LDLRAD4: variants seen among roughly 807,000 people sequenced by gnomAD.
The protein encoded by LDLRAD4 is low density lipoprotein receptor class A domain containing 4.
In LDLRAD4, 5 loss-of-function variants were observed where a neutral mutation model predicts 17.0. That is an observed-to-expected ratio of 0.29 (90% CI 0.15 to 0.62). LDLRAD4 has a LOEUF of 0.62. LDLRAD4 is among the 20% of genes least tolerant of loss of function. The pLI, the probability that LDLRAD4 is intolerant of heterozygous loss-of-function variation, is 0.84. For missense variants in LDLRAD4, 340 were observed against 424.7 expected, an observed-to-expected ratio of 0.80 and a Z score of 1.75; for synonymous variants, 168 against 171.8, an observed-to-expected ratio of 0.98 and a Z score of 0.17.
At chr18:13,455,996 T>C (rs1600450362) in intron 3 of LDLRAD4, among the ~76,000 whole-genome samples, 1 of 152,146 alleles carries the variant, frequency 6.6e-6, no homozygotes, top group East Asian at 1.9e-4. Flanking sequence ...GCGCCCGCCA[T>C]GTCCCGCGCT....
At chr18:13,379,896 T>C (rs2085207711) in intron 1 of LDLRAD4, among the ~76,000 whole-genome samples, 1 of 152,202 alleles carries the variant, frequency 6.6e-6, no homozygotes, top group Non-Finnish European at 1.5e-5. Flanking sequence ...TCATGCCCAT[T>C]TTAAGCTGAT....
chr18:13,324,323 T>TA (rs1555648543), intron 1 of LDLRAD4, among the ~76,000 whole-genome samples: 1 of 151,308 alleles, frequency 6.6e-6, no homozygotes, highest in Non-Finnish European at 1.5e-5. Context: ...ATTTTTTTTT[T>TA]AGTAGAGATG....
chr18:13,567,628 C>T lies in LDLRAD4; in HGVS notation c.182-53489C>T, dbSNP rs2094624222. On this transcript the variant is annotated intron_variant, in intron 3 of 5. Transcript: ENST00000359446. The stretch of plus-strand genomic sequence containing the variant: ...AGAGTTCTCTCTAAACTGCTTTTCT[C>T]TTTCCCCTGAATGCAAATGAACTTC... Among the ~76,000 whole-genome samples the T allele has an allele frequency of 3.9e-5, 6 of 152,302 alleles. No homozygotes were observed. In the South Asian group the frequency reaches 1.2e-3, roughly 32 times the overall value.
At chr18:13,252,156 C>T (rs2043253717) in intron 1 of LDLRAD4, among the ~76,000 whole-genome samples, 1 of 152,112 alleles carries the variant, frequency 6.6e-6, no homozygotes, top group Admixed American at 6.5e-5. Context: ...TGGAGTTTTG[C>T]TCTTGTTGCC....
rs536736490 is a variant in LDLRAD4, at chr18:13,645,256, C to T, written c.520C>T (p.Leu174=). The stretch of plus-strand genomic sequence containing the variant: ...GATTGATCTTCCTCCCACCATCTCC[C>T]TGTCCGACGGTGAAGAGCCACCTCC... Residue 174 remains leucine (L), a synonymous_variant, in exon 6 of 6, where the codon CTG becomes TTG. Transcript: ENST00000359446. The surrounding 1 kb of genome is among the most constrained non-coding windows in gnomAD (Gnocchi z 5.7). The T allele has an allele frequency of 1.1e-5, 17 of 1,614,222 alleles. 1 individual carries two copies. In the Admixed American group the frequency reaches 1.3e-4, roughly 13 times the overall value.
intron 3 of LDLRAD4, among the ~76,000 whole-genome samples, chr18:13,529,246 C>T (rs2094087837): frequency 6.6e-6 from 1 of 152,218 alleles, no homozygotes; most frequent in African/African-American, 2.4e-5. Context: ...GCCCATGTAC[C>T]ATAGTGGTGA....
chr18:13,270,262 G>T (rs557780295), intron 1 of LDLRAD4, among the ~76,000 whole-genome samples: 11 of 152,064 alleles, frequency 7.2e-5, no homozygotes, highest in Non-Finnish European at 1.6e-4. Flanking sequence ...CTGCATGGGA[G>T]GCTGAGGTGG....
intron 3 of LDLRAD4, among the ~76,000 whole-genome samples, chr18:13,546,307 G>A (rs749790465): frequency 2.4e-4 from 37 of 152,210 alleles, no homozygotes; most frequent in Non-Finnish European, 8.8e-5. Flanking sequence ...ACTGCTGCTC[G>A]GGAGTAATTT....
chr18:13,368,252 T>C (rs2144783098), intron 1 of LDLRAD4, among the ~76,000 whole-genome samples: 1 of 151,922 alleles, frequency 6.6e-6, no homozygotes, highest in South Asian at 2.1e-4. Context: ...AGAAGCTGAG[T>C]GTGGGACTTT....
chr18:13,315,783 TAAAA>T (rs78099800), intron 1 of LDLRAD4, among the ~76,000 whole-genome samples: 80 of 85,902 alleles, frequency 9.3e-4, no homozygotes, highest in Middle Eastern at 7.2e-3. Context: ...AAACTCCGTC[TAAAA>T]AAAAAAAAAA....
intron 3 of LDLRAD4, among the ~76,000 whole-genome samples, chr18:13,548,853 G>T (rs571791920): frequency 2.0e-4 from 31 of 152,342 alleles, no homozygotes; most frequent in Middle Eastern, 3.4e-3. Context: ...TCATGGCAGC[G>T]GCCATTCTAG....
chr18:13,628,542 A>G (rs2041379082), intron 4 of LDLRAD4, among the ~76,000 whole-genome samples: 1 of 152,244 alleles, frequency 6.6e-6, no homozygotes, highest in Non-Finnish European at 1.5e-5. Flanking sequence ...CCAGGTGGTC[A>G]TTTGAAAGGT....
At chr18:13,574,516 G>A (rs1310114797) in intron 3 of LDLRAD4, among the ~76,000 whole-genome samples, 1 of 152,190 alleles carries the variant, frequency 6.6e-6, no homozygotes, top group African/African-American at 2.4e-5. Flanking sequence ...TATTTAAGAA[G>A]GACTCCAGAA....
At chr18:13,643,880 A>G (rs2042835626) in intron 5 of LDLRAD4, among the ~76,000 whole-genome samples, 2 of 152,390 alleles carry the variant, frequency 1.3e-5, no homozygotes, top group Admixed American at 1.3e-4. Context: ...ACATATATGT[A>G]TACACACATA....
chr18:13,297,000 G>C (rs1281740968), intron 1 of LDLRAD4, among the ~76,000 whole-genome samples: 1 of 152,088 alleles, frequency 6.6e-6, no homozygotes, highest in Non-Finnish European at 1.5e-5. Flanking sequence ...TCTGTGTAGC[G>C]AGGGGATTCC....
intron 3 of LDLRAD4, among the ~76,000 whole-genome samples, chr18:13,523,679 C>T (rs2093987347): frequency 6.6e-6 from 1 of 152,210 alleles, no homozygotes; most frequent in Non-Finnish European, 1.5e-5. Flanking sequence ...CAGTTGCCTC[C>T]CTGGCCACTC....
At chr18:13,385,034 A>G (rs377109965) in intron 1 of LDLRAD4, among the ~76,000 whole-genome samples, 2 of 152,136 alleles carry the variant, frequency 1.3e-5, no homozygotes, top group African/African-American at 4.8e-5. Flanking sequence ...TGGTGATTCT[A>G]TTTTTAGTCT....
intron 3 of LDLRAD4, among the ~76,000 whole-genome samples, chr18:13,524,220 G>C (rs1683312022): frequency 6.6e-6 from 1 of 152,154 alleles, no homozygotes; most frequent in Non-Finnish European, 1.5e-5. Context: ...AGAACCAAAG[G>C]GTCTTGGGTT....
chr18:13,611,717 T>C lies in LDLRAD4; in HGVS notation c.182-9400T>C, dbSNP rs2039574711. 6.1e-6 allele frequency: 6 copies of C among 985,318 alleles called. No homozygotes were observed. The South Asian group carries it at 2.3e-4, about 39-fold the overall frequency. 61.0% of individuals were successfully genotyped at this position (985,318 alleles called of 1,614,324 possible). ...AGGAGTCTCTGTGGTGTTTTTGTGC[T>C]ACCATACATGGGGAATAATGATGTG... On this transcript the variant is annotated intron_variant, in intron 3 of 5. Coordinates refer to ENST00000359446, the Ensembl canonical transcript of LDLRAD4.
Sources: gnomAD v4.1 joint callset for allele counts (sites outside exome capture counted in the v4.1 genomes callset) on GRCh38, gnomAD v4.1.1 for gene constraint, Gnocchi (gnomAD v3.1) non-coding constraint, MANE v1.5 for transcripts, NCBI Gene and HGNC (gene_info 2026-07-23, HGNC 2026-07-21) for gene names.